Variants in CCDC7 observed in about 807,000 individuals in gnomAD.
The protein encoded by CCDC7 is coiled-coil domain containing 7, also known as coiled-coil domain-containing protein 7.
CCDC7 carries 183 observed loss-of-function variants against 196.9 expected under a neutral mutation model. The observed-to-expected ratio is 0.93, with a 90% CI of 0.82 to 1.05. CCDC7 has a LOEUF of 1.05. CCDC7 is among the 50% of genes least tolerant of loss of function. The probability of loss-of-function intolerance (pLI) is 0.00; values close to 1 mark genes in which losing one functional copy is unlikely to be tolerated. For synonymous variants in CCDC7, 525 were observed against 484.6 expected (o/e 1.08, Z -1.10); for missense variants, 1,540 against 1,482.2 (o/e 1.04, Z -0.64).
chr10:32,706,857 C>G (rs756903662), intron 24 of CCDC7, among the ~76,000 whole-genome samples: 1 of 152,160 alleles, frequency 6.6e-6, no homozygotes, highest in Non-Finnish European at 1.5e-5. Context: ...AGGTCCAGGA[C>G]CTGATGGATT....
chr10:32,538,378 G>A lies in CCDC7; in HGVS notation c.994-4922G>A, dbSNP rs147467732. ...CTGACGTTGTTCATCAGCTGAAGGA[G>A]ATTTTGGGCCAAGCCTATGGAGTTT... On this transcript the variant is annotated intron_variant, in intron 11 of 41. Transcript: ENST00000639629. 7.0e-3 allele frequency among the ~76,000 whole-genome samples: 1,070 copies of A among 152,276 alleles called. 13 individuals carry two copies. Among genetic ancestry groups the A allele is most frequent in the African/African-American group, 0.025 (1,020 of 41,558 alleles).
chr10:32,722,047 T>C (rs1235584508), intron 25 of CCDC7, among the ~76,000 whole-genome samples: 2 of 152,132 alleles, frequency 1.3e-5, no homozygotes, highest in East Asian at 1.9e-4. Context: ...GGTTATTGGA[T>C]GGAAAATTAG....
At chr10:32,793,154 T>C (rs2082992000) in intron 29 of CCDC7, among the ~76,000 whole-genome samples, 2 of 152,216 alleles carry the variant, frequency 1.3e-5, no homozygotes, top group Admixed American at 6.5e-5. Flanking sequence ...GGGAAGACTT[T>C]AGAATACAAA....
chr10:32,640,550 T>C (rs2066555206), intron 20 of CCDC7, among the ~76,000 whole-genome samples: 1 of 152,186 alleles, frequency 6.6e-6, no homozygotes. Context: ...ATCCTGTCAT[T>C]ATGATGTTAG....
chr10:32,814,870 C>T (rs1227602298), intron 31 of CCDC7, among the ~76,000 whole-genome samples: 1 of 152,138 alleles, frequency 6.6e-6, no homozygotes, highest in African/African-American at 2.4e-5. Flanking sequence ...CAAAAGAAGA[C>T]ATTTTAACAA....
intron 25 of CCDC7, among the ~76,000 whole-genome samples, chr10:32,724,016 CTT>C (rs1194837840): frequency 6.6e-6 from 1 of 151,836 alleles, no homozygotes; most frequent in Non-Finnish European, 1.5e-5. Flanking sequence ...TAGAGTCTCT[CTT>C]TTGGATTTAT....
chr10:32,761,163 G>T (rs2077408459), intron 28 of CCDC7, among the ~76,000 whole-genome samples: 1 of 151,946 alleles, frequency 6.6e-6, no homozygotes, highest in Non-Finnish European at 1.5e-5. Context: ...CATTTATTTG[G>T]CTTCTTAACA....
intron 14 of CCDC7, 99 bp downstream of exon 15, chr10:32,565,719 T>G: frequency 9.6e-6 from 12 of 1,247,398 alleles, no homozygotes; most frequent in Non-Finnish European, 1.2e-5. Context: ...AGCTAAGAGG[T>G]CTACATATTC....
chr10:32,721,236 C>T (rs2082372594), intron 25 of CCDC7, among the ~76,000 whole-genome samples: 3 of 152,150 alleles, frequency 2.0e-5, no homozygotes, highest in Non-Finnish European at 4.4e-5. Flanking sequence ...TCAGTATCCA[C>T]CAATGTCCAA....
intron 18 of CCDC7, chr10:32,623,800 G>A (rs1216307844): frequency 2.1e-6 from 1 of 470,296 alleles, no homozygotes; most frequent in Admixed American, 2.4e-5. Flanking sequence ...GGTGAAGTGG[G>A]AGCAGATATG....
At chr10:32,741,811 G>C (rs774814372) in intron 28 of CCDC7, among the ~76,000 whole-genome samples, 18 of 152,066 alleles carry the variant, frequency 1.2e-4, no homozygotes, top group Non-Finnish European at 2.6e-4. Context: ...CTATTACTCT[G>C]TGTGATTTTG....
intron 29 of CCDC7, among the ~76,000 whole-genome samples, chr10:32,789,559 TAA>T (rs760444597): frequency 2.3e-5 from 3 of 131,750 alleles, no homozygotes; most frequent in African/African-American, 8.1e-5. Flanking sequence ...AATAAAAAAG[TAA>T]AAAAAAAAAA....
chr10:32,846,046 G>T (rs2093277661), intron 36 of CCDC7, 87 bp downstream of exon 37: 2 of 950,102 alleles, frequency 2.1e-6, no homozygotes, highest in Non-Finnish European at 3.3e-6. Flanking sequence ...AATGACAACA[G>T]TACCTGTATC....
At chr10:32,616,053 T>G (rs1443373955) in intron 18 of CCDC7, among the ~76,000 whole-genome samples, 2 of 152,154 alleles carry the variant, frequency 1.3e-5, no homozygotes, top group African/African-American at 2.4e-5. Flanking sequence ...GTTGTTTTGC[T>G]TACTCTAGCC....
intron 25 of CCDC7, among the ~76,000 whole-genome samples, chr10:32,722,475 T>C (rs1336639232): frequency 1.3e-5 from 2 of 152,080 alleles, no homozygotes; most frequent in Non-Finnish European, 2.9e-5. Flanking sequence ...GTTGACATGG[T>C]TGGTTCATTC....
intron 33 of CCDC7, among the ~76,000 whole-genome samples, chr10:32,844,523 A>G (rs1327683353): frequency 2.6e-5 from 4 of 152,008 alleles, no homozygotes; most frequent in African/African-American, 7.2e-5. Context: ...AAATTGACCT[A>G]TTTTTAAAAA....
chr10:32,755,238 C>T (rs969900293), intron 28 of CCDC7, among the ~76,000 whole-genome samples: 3 of 152,304 alleles, frequency 2.0e-5, no homozygotes, highest in African/African-American at 2.4e-5. Flanking sequence ...CAGACTTAAA[C>T]GTCCCTGTCT....
At chr10:32,466,136 C>T (rs1245752477) in intron 5 of CCDC7, among the ~76,000 whole-genome samples, 1 of 152,028 alleles carries the variant, frequency 6.6e-6, no homozygotes, top group African/African-American at 2.4e-5. Context: ...TCTGGAATTT[C>T]AAGTTTTTCA....
At chr10:32,704,397 T>C (rs777907915) in intron 24 of CCDC7, among the ~76,000 whole-genome samples, 1 of 152,092 alleles carries the variant, frequency 6.6e-6, no homozygotes, top group Admixed American at 6.5e-5. Flanking sequence ...TACCCAGCTG[T>C]GTGAGGTGTC....
Sources: gnomAD v4.1 joint callset for allele counts (sites outside exome capture counted in the v4.1 genomes callset) on GRCh38, gnomAD v4.1.1 for gene constraint, MANE v1.5 for transcripts, NCBI Gene and HGNC (gene_info 2026-07-23, HGNC 2026-07-21) for gene names.